The following WDFY2 variants were observed in gnomAD, a reference collection of about 807,000 sequenced individuals.
WDFY2 encodes WD repeat and FYVE domain-containing protein 2.
In WDFY2, 36 loss-of-function variants were observed where a neutral mutation model predicts 56.4. That is an observed-to-expected ratio of 0.64 (90% confidence interval 0.49 to 0.84). WDFY2 has a LOEUF of 0.84. Among genes scored for constraint, WDFY2 ranks in the 40% least tolerant of loss-of-function variants. The pLI is 0.00. For synonymous variants in WDFY2, 176 were observed against 183.7 expected, an observed-to-expected ratio of 0.96 and a Z score of 0.34; for missense variants, 444 against 512.2, an observed-to-expected ratio of 0.87 and a Z score of 1.29.
At chr13:51,614,084 G>C (rs1954557028) in intron 1 of WDFY2, among the ~76,000 whole-genome samples, 1 of 151,648 alleles carries the variant, frequency 6.6e-6, no homozygotes, top group Admixed American at 6.6e-5. Context: ...TACTTGGGAG[G>C]CTGAGGCAGG....
rs543969697 is a variant in WDFY2, at chr13:51,676,191, T to C, written c.279+948T>C. ...GCTTCCAGAGTCTTCACTGACCTTTTTCCTAGATGTGTCCTTAGAAAGATA... is the reference window on the plus strand; with the variant it reads ...GCTTCCAGAGTCTTCACTGACCTTTCTCCTAGATGTGTCCTTAGAAAGATA... On this transcript the variant is annotated intron_variant, in intron 3 of 11. Transcript: ENST00000298125. Among the ~76,000 whole-genome samples the C allele has an allele frequency of 2.5e-3, 383 of 152,296 alleles. 3 individuals are homozygous for C. Among genetic ancestry groups the C allele is most frequent in the Non-Finnish European group, 1.0e-3 (69 of 68,020 alleles).
chr13:51,712,545 GAAGGGAC>G (rs1227685392), intron 4 of WDFY2, among the ~76,000 whole-genome samples: 6 of 152,096 alleles, frequency 3.9e-5, no homozygotes, highest in African/African-American at 1.4e-4. Context: ...TAGAAAACAA[GAAGGGAC>G]TCATTAACAG....
At chr13:51,586,054 C>G (rs1295869017) in intron 1 of WDFY2, 1 of 398,368 alleles carries the variant, frequency 2.5e-6, no homozygotes, top group Non-Finnish European at 4.4e-6. Context: ...AAACATACAC[C>G]AGTGGCAAGC....
At chr13:51,749,480 T>G (rs1039278856) in intron 7 of WDFY2, among the ~76,000 whole-genome samples, 1 of 152,134 alleles carries the variant, frequency 6.6e-6, no homozygotes, top group African/African-American at 2.4e-5. Context: ...TTATATTTCA[T>G]AGAGAAAATT....
At chr13:51,613,675 A>G (rs1954547537) in intron 1 of WDFY2, among the ~76,000 whole-genome samples, 1 of 152,144 alleles carries the variant, frequency 6.6e-6, no homozygotes. Context: ...ATTCCTTCTT[A>G]GCTGTGATTT....
chr13:51,592,142 T>TA (rs1185173215), intron 1 of WDFY2: 1 of 148,444 alleles, frequency 6.7e-6, no homozygotes, highest in Non-Finnish European at 1.5e-5. Context: ...TAAAGTGTAA[T>TA]AAAAAGAAAA....
Position 51,691,959 on chromosome 13 carries a change from A to G in WDFY2, c.280-11637A>G, listed in dbSNP as rs983131058. Among the ~76,000 whole-genome samples, 8 of 152,026 alleles carry G rather than the reference A, an allele frequency of 5.3e-5. No homozygotes were observed. In the East Asian group the frequency reaches 5.8e-4, roughly 11 times the overall value. ...TAGGTATTTTATTCTCTTTGAAGCAATTGTGAATGGGAGTTCACTCATGAT... is the reference window on the plus strand; with the variant it reads ...TAGGTATTTTATTCTCTTTGAAGCAGTTGTGAATGGGAGTTCACTCATGAT... On this transcript the variant is annotated intron_variant, in intron 3 of 11. Transcript: ENST00000298125.
intron 3 of WDFY2, among the ~76,000 whole-genome samples, chr13:51,692,127 T>A (rs1479717649): frequency 6.6e-6 from 1 of 152,138 alleles, no homozygotes; most frequent in Non-Finnish European, 1.5e-5. Flanking sequence ...TATACAATCA[T>A]GTCATCTGCA....
intron 1 of WDFY2, chr13:51,593,964 A>G (rs1016892040): frequency 6.6e-6 from 1 of 152,236 alleles, no homozygotes; most frequent in South Asian, 2.1e-4. Flanking sequence ...TGCAGTGGCC[A>G]TTCAGAGGCA....
intron 2 of WDFY2, among the ~76,000 whole-genome samples, chr13:51,672,323 G>A (rs1024101040): frequency 9.2e-5 from 14 of 152,076 alleles, no homozygotes; most frequent in Non-Finnish European, 1.5e-4. Context: ...TCCACTTTAT[G>A]TTTTGTTTGC....
At chr13:51,711,045 A>G (rs1292589930) in intron 4 of WDFY2, among the ~76,000 whole-genome samples, 6 of 152,140 alleles carry the variant, frequency 3.9e-5, no homozygotes, top group African/African-American at 1.4e-4. Context: ...ACTATACTAC[A>G]AGGCTACAGT....
intron 4 of WDFY2, among the ~76,000 whole-genome samples, chr13:51,704,919 C>T (rs1952053220): frequency 6.6e-6 from 1 of 152,086 alleles, no homozygotes; most frequent in Non-Finnish European, 1.5e-5. Context: ...TCCTAATGAT[C>T]ATTGCCTCCT....
chr13:51,603,684 A>G (rs1351917655), intron 1 of WDFY2, among the ~76,000 whole-genome samples: 2 of 152,220 alleles, frequency 1.3e-5, no homozygotes, highest in African/African-American at 2.4e-5. Flanking sequence ...AGTTAAAACC[A>G]TGCTTTTCCA....
At chr13:51,682,508 A>G (rs1955996253) in intron 3 of WDFY2, among the ~76,000 whole-genome samples, 1 of 152,330 alleles carries the variant, frequency 6.6e-6, no homozygotes, top group African/African-American at 2.4e-5. Context: ...ATGAATGAAT[A>G]TAGTTTATTG....
At chr13:51,614,063 G>A (rs1954556099) in intron 1 of WDFY2, among the ~76,000 whole-genome samples, 1 of 151,822 alleles carries the variant, frequency 6.6e-6, no homozygotes, top group Non-Finnish European at 1.5e-5. Context: ...GTGGGCGCCT[G>A]TAATCCCAAC....
In WDFY2 at chr13:51,766,532, G is replaced by A. The variant is rs538331211; in HGVS notation, c.*6763G>A. 3 of 152,166 alleles carry A rather than the reference G, an allele frequency of 2.0e-5. No homozygotes were observed. The highest frequency in any genetic ancestry group is 2.9e-5 in the Non-Finnish European group (2 of 68,054). 9.4% of individuals were successfully genotyped at this position (152,166 alleles called of 1,614,324 possible). A position where few individuals can be genotyped will look rare whatever the true frequency, so the allele number is the denominator to read the frequency against. On this transcript the variant is annotated 3_prime_UTR_variant, in exon 12 of 12. Transcript: ENST00000298125. ...CCGTGTGGTCTAGCTGGACCCCTCCGGCATTTGCCACACTCCCTGCCAGTC... is the reference window on the plus strand; with the variant it reads ...CCGTGTGGTCTAGCTGGACCCCTCCAGCATTTGCCACACTCCCTGCCAGTC...
chr13:51,634,720 G>T lies in WDFY2; in HGVS notation c.138-25876G>T, dbSNP rs1024981846. On this transcript the variant is annotated intron_variant, in intron 1 of 11. Coordinates refer to ENST00000298125, the MANE Select transcript of WDFY2 (RefSeq NM_052950.4). ...TGGAAAAGGCTGTTTTTTTTGTTTT[G>T]TTTTTTTTTTCCCCATATATTCAGT... 5.3e-4 allele frequency among the ~76,000 whole-genome samples: 79 copies of T among 148,312 alleles called. 1 individual carries two copies. Among genetic ancestry groups the T allele is most frequent in the Non-Finnish European group, 9.3e-4 (62 of 66,764 alleles).
intron 3 of WDFY2, among the ~76,000 whole-genome samples, chr13:51,693,602 C>T (rs1043763697): frequency 4.1e-4 from 63 of 152,062 alleles, no homozygotes; most frequent in Non-Finnish European, 6.8e-4. Context: ...TTTACTTCCA[C>T]CTATGTGGTC....
At position 51,755,513 on chromosome 13, in the gene WDFY2, A is replaced by G. The variant is rs1953351139; in HGVS notation, c.933+54A>G. On this transcript the variant is annotated intron_variant, in intron 9 of 11. Coordinates refer to ENST00000298125, the MANE Select transcript of WDFY2 (RefSeq NM_052950.4). ...GTAATTATATGGAAATAGCTCAACC[A>G]TGTGATCTTAGAAGAAATAACACCC... The G allele has an allele frequency of 3.9e-6, 6 of 1,555,484 alleles. No individual in the cohort carries two copies. The Admixed American group carries it at 6.7e-5, about 17-fold the overall frequency.
Sources: allele counts gnomAD v4.1 joint callset (sites outside exome capture counted in the v4.1 genomes callset), GRCh38; gene constraint gnomAD v4.1.1; transcripts MANE v1.5; gene names NCBI Gene and HGNC (gene_info 2026-07-23, HGNC 2026-07-21).